LMO7: variants seen among roughly 807,000 people sequenced by gnomAD.
The protein encoded by LMO7 is LIM domain 7.
LMO7 carries 120 observed loss-of-function variants against 206.5 expected under a neutral mutation model. That is an observed-to-expected ratio of 0.58 (90% CI 0.50 to 0.68). LMO7 has a LOEUF of 0.68. Ranked by LOEUF, LMO7 falls within the 30% of genes least tolerant of loss-of-function variation. The pLI, the probability that LMO7 is intolerant of heterozygous loss-of-function variation, is 0.00. For missense variants in LMO7, 1,959 were observed against 1,957.9 expected (o/e 1.00, Z -0.01); for synonymous variants, 706 against 681.5 (o/e 1.04, Z -0.56).
At chr13:75,832,525 G>A (rs900588161) in intron 15 of LMO7, among the ~76,000 whole-genome samples, 1 of 152,196 alleles carries the variant, frequency 6.6e-6, no homozygotes, top group East Asian at 1.9e-4. Flanking sequence ...AAGCAAAAAT[G>A]CCTTGCCAAA....
At chr13:75,672,769 T>A (rs2039699057) in intron 1 of LMO7, among the ~76,000 whole-genome samples, 1 of 151,210 alleles carries the variant, frequency 6.6e-6, no homozygotes, top group Non-Finnish European at 1.5e-5. Flanking sequence ...GAAAATGATA[T>A]CTCATACTTT....
intron 4 of LMO7, among the ~76,000 whole-genome samples, chr13:75,794,947 C>T (rs118081243): frequency 0.028 from 4,194 of 151,930 alleles, 235 homozygotes; most frequent in Admixed American, 0.13. Flanking sequence ...GAAAAAAAAA[C>T]CCCATCAGTG....
At chr13:75,635,876 C>G (rs2035743573), upstream of LMO7, 1 of 152,882 alleles carries the variant, frequency 6.5e-6, no homozygotes, top group African/African-American at 2.4e-5. Flanking sequence ...GCGGGCTCAG[C>G]TGGCCGGGGC....
At chr13:75,822,466 G>T (rs2057676523) in intron 14 of LMO7, among the ~76,000 whole-genome samples, 1 of 151,966 alleles carries the variant, frequency 6.6e-6, no homozygotes, top group South Asian at 2.1e-4. Flanking sequence ...GCATTTTAGG[G>T]TTAATATCTC....
chr13:75,647,780 T>G (rs1356643921), intron 1 of LMO7, among the ~76,000 whole-genome samples: 2 of 152,112 alleles, frequency 1.3e-5, no homozygotes, highest in African/African-American at 2.4e-5. Context: ...TCTCATGCTT[T>G]GAAAGGGTTG....
At chr13:75,808,358 G>A (rs2055832507) in intron 10 of LMO7, among the ~76,000 whole-genome samples, 159 bp downstream of exon 10, 1 of 152,142 alleles carries the variant, frequency 6.6e-6, no homozygotes, top group African/African-American at 2.4e-5. Flanking sequence ...ACCCTCAGTC[G>A]TTTTGTACAA....
At chr13:75,697,496 C>G (rs2041988774) in intron 1 of LMO7, among the ~76,000 whole-genome samples, 1 of 152,108 alleles carries the variant, frequency 6.6e-6, no homozygotes. Context: ...ATCACAAGAA[C>G]AGTATAGGGG....
intron 9 of LMO7, chr13:75,806,291 G>A: frequency 2.0e-6 from 2 of 978,532 alleles, no homozygotes; most frequent in Non-Finnish European, 2.4e-6. Context: ...CCTGCCTGCT[G>A]CGGGTCTGGC....
chr13:75,693,290 G>T (rs1354705836), intron 1 of LMO7, among the ~76,000 whole-genome samples: 1 of 152,184 alleles, frequency 6.6e-6, no homozygotes, highest in Non-Finnish European at 1.5e-5. Context: ...AAATACAGAT[G>T]AGTAAATAAC....
intron 1 of LMO7, chr13:75,622,449 A>T (rs2033438835): frequency 6.6e-6 from 1 of 152,250 alleles, no homozygotes; most frequent in Non-Finnish European, 1.5e-5. Flanking sequence ...ACTATTATTA[A>T]GTCCTGCTGG....
intron 4 of LMO7, among the ~76,000 whole-genome samples, chr13:75,786,733 A>G (rs1159283495): frequency 1.3e-5 from 2 of 152,044 alleles, no homozygotes; most frequent in African/African-American, 4.8e-5. Flanking sequence ...ATGAGGTTCT[A>G]TTTCATCTCT....
Position 75,636,365 on chromosome 13 carries a change from TG to T in LMO7, c.-290del. 14 of 1,253,978 alleles carry T rather than the reference TG, an allele frequency of 1.1e-5. No individual in the cohort carries two copies. Among genetic ancestry groups the T allele is most frequent in the Non-Finnish European group, 1.3e-5 (13 of 995,470 alleles). The allele number at this position is 1,253,978 out of a possible 1,614,324, so 77.7% of individuals were successfully genotyped here. ...CGGGGCTGGTGCCGCGCGCTGCCGCTGGGCACCCGCTTCGCTTCCCGCGTCC... is the reference window on the plus strand; with the variant it reads ...CGGGGCTGGTGCCGCGCGCTGCCGCTGGCACCCGCTTCGCTTCCCGCGTCC... On this transcript the variant is annotated 5_prime_UTR_variant, in exon 1 of 31. Coordinates refer to ENST00000377534, the MANE Select transcript of LMO7 (RefSeq NM_001306080.2).
chr13:75,775,022 G>C (rs1226808531), intron 4 of LMO7, among the ~76,000 whole-genome samples: 1 of 152,056 alleles, frequency 6.6e-6, no homozygotes, highest in Non-Finnish European at 1.5e-5. Context: ...ATGTCAGGAA[G>C]GTTCTTTTGG....
chr13:75,789,555 G>C (rs1484015120), intron 4 of LMO7, among the ~76,000 whole-genome samples: 1 of 152,152 alleles, frequency 6.6e-6, no homozygotes, highest in East Asian at 1.9e-4. Flanking sequence ...GGCTTTGATA[G>C]CTCATATATG....
At chr13:75,806,205 A>G (rs758299631) in intron 9 of LMO7, 3 of 992,860 alleles carry the variant, frequency 3.0e-6, no homozygotes, top group Non-Finnish European at 2.4e-6. Flanking sequence ...AACGGGCTGT[A>G]AAATCACCGG....
intron 1 of LMO7, among the ~76,000 whole-genome samples, chr13:75,702,312 T>C (rs2042336818): frequency 6.6e-6 from 1 of 152,054 alleles, no homozygotes; most frequent in African/African-American, 2.4e-5. Context: ...AAGTTGGAAG[T>C]GTAACTGACC....
chr13:75,642,596 C>CT (rs1292251820), intron 1 of LMO7, among the ~76,000 whole-genome samples: 1 of 151,972 alleles, frequency 6.6e-6, no homozygotes, highest in Non-Finnish European at 1.5e-5. Flanking sequence ...GAGTAAGACT[C>CT]TATCTTTAAA....
chr13:75,727,963 T>C (rs1433030990), intron 3 of LMO7, among the ~76,000 whole-genome samples: 1 of 152,062 alleles, frequency 6.6e-6, no homozygotes, highest in East Asian at 1.9e-4. Flanking sequence ...ACGCATCATT[T>C]TTTATGGCTG....
chr13:75,856,784 C>T, intron 30 of LMO7, 176 bp downstream of exon 30: 1 of 533,526 alleles, frequency 1.9e-6, no homozygotes, highest in Admixed American at 3.0e-5. Flanking sequence ...GGTCACTGCT[C>T]AGGGTTCCAG....
Sources: allele counts gnomAD v4.1 joint callset (sites outside exome capture counted in the v4.1 genomes callset), GRCh38; gene constraint gnomAD v4.1.1; transcripts MANE v1.5; gene names NCBI Gene and HGNC (gene_info 2026-07-23, HGNC 2026-07-21).